Variants in KLHL2 observed in about 807,000 individuals in gnomAD.
KLHL2 encodes the protein kelch like family member 2.
In KLHL2, 15 loss-of-function variants were observed where a neutral mutation model predicts 75.8. The observed-to-expected ratio is 0.20, with a 90% confidence interval of 0.13 to 0.30. The LOEUF is 0.30. KLHL2 is among the 10% of genes least tolerant of loss of function. The probability of loss-of-function intolerance (pLI) is 1.00; values close to 1 mark genes in which losing one functional copy is unlikely to be tolerated. For missense variants in KLHL2, 381 were observed against 741.0 expected, an observed-to-expected ratio of 0.51 and a Z score of 5.64; for synonymous variants, 214 against 251.9, an observed-to-expected ratio of 0.85 and a Z score of 1.42.
intron 4 of KLHL2, among the ~76,000 whole-genome samples, chr4:165,251,175 A>G (rs1184330458): frequency 2.0e-5 from 3 of 151,838 alleles, no homozygotes; most frequent in Non-Finnish European, 4.4e-5. Flanking sequence ...CTTCAGGATT[A>G]GTGGTTGTTT....
intron 5 of KLHL2, among the ~76,000 whole-genome samples, chr4:165,288,667 G>T (rs568011381): frequency 6.6e-6 from 1 of 152,054 alleles, no homozygotes. Flanking sequence ...TTTTGTAGTT[G>T]TTAAAAGCAG....
intron 5 of KLHL2, among the ~76,000 whole-genome samples, chr4:165,275,534 C>T: frequency 6.6e-6 from 1 of 152,152 alleles, no homozygotes; most frequent in South Asian, 2.1e-4. Context: ...TCACCACTTC[C>T]CATACTGAAA....
At chr4:165,253,040 T>C (rs1313953102) in intron 4 of KLHL2, among the ~76,000 whole-genome samples, 1 of 152,224 alleles carries the variant, frequency 6.6e-6, no homozygotes, top group Non-Finnish European at 1.5e-5. Context: ...TTTTTATTTT[T>C]TATTTTTTTG....
At chr4:165,246,554 G>C (rs1032856040) in intron 4 of KLHL2, among the ~76,000 whole-genome samples, 5 of 152,074 alleles carry the variant, frequency 3.3e-5, no homozygotes, top group Non-Finnish European at 5.9e-5. Flanking sequence ...AATAGATTTG[G>C]GAGATATTTG....
At chr4:165,312,642 T>C (rs1048368850) in intron 11 of KLHL2, among the ~76,000 whole-genome samples, 1 of 152,214 alleles carries the variant, frequency 6.6e-6, no homozygotes, top group African/African-American at 2.4e-5. Flanking sequence ...TTCCCTTGGC[T>C]CTTACTCGTA....
At chr4:165,301,459 G>A (rs1258275007) in intron 8 of KLHL2, among the ~76,000 whole-genome samples, 1 of 152,216 alleles carries the variant, frequency 6.6e-6, no homozygotes, top group Non-Finnish European at 1.5e-5. Context: ...AAGTGGCTCA[G>A]TAAGTACATT....
intron 5 of KLHL2, among the ~76,000 whole-genome samples, chr4:165,291,274 G>C (rs552072783): frequency 4.1e-4 from 62 of 152,252 alleles, no homozygotes; most frequent in Middle Eastern, 3.4e-3. Context: ...CCCCCAGTCT[G>C]TGGCTTGTCT....
At chr4:165,264,922 T>A (rs1742126505) in intron 5 of KLHL2, among the ~76,000 whole-genome samples, 1 of 151,410 alleles carries the variant, frequency 6.6e-6, no homozygotes, top group African/African-American at 2.4e-5. Flanking sequence ...ATTGCTGGAT[T>A]GGATTTTAAT....
intron 4 of KLHL2, among the ~76,000 whole-genome samples, chr4:165,247,109 A>G (rs903114300): frequency 2.6e-5 from 4 of 152,212 alleles, no homozygotes; most frequent in African/African-American, 9.6e-5. Flanking sequence ...GAGCCATATC[A>G]GTGTAGGTGT....
chr4:165,258,939 A>G (rs1441226909), intron 4 of KLHL2, among the ~76,000 whole-genome samples: 1 of 152,188 alleles, frequency 6.6e-6, no homozygotes, highest in Non-Finnish European at 1.5e-5. Flanking sequence ...GGATTTTGCT[A>G]TATTCTACAA....
chr4:165,229,273 T>G (rs1036272660), intron 3 of KLHL2, among the ~76,000 whole-genome samples: 10 of 152,232 alleles, frequency 6.6e-5, no homozygotes, highest in African/African-American at 2.4e-4. Flanking sequence ...AGTGTTACAT[T>G]GAACAAAAAG....
intron 8 of KLHL2, among the ~76,000 whole-genome samples, chr4:165,303,887 T>C (rs1347209593): frequency 6.7e-6 from 1 of 148,298 alleles, no homozygotes; most frequent in Non-Finnish European, 1.5e-5. Context: ...TCTGTTTGTT[T>C]GTTTGTGAGA....
At chr4:165,297,562 A>T (rs780431434) in intron 6 of KLHL2, 47 bp from the exon 7 acceptor site, 1 of 1,112,466 alleles carries the variant, frequency 9.0e-7, no homozygotes, top group South Asian at 1.2e-5. Context: ...AGATGCCTTG[A>T]TACACAACTC....
In KLHL2 at chr4:165,312,599, A is replaced by T. The variant is rs186291577; in HGVS notation, c.1340-639A>T. On this transcript the variant is annotated intron_variant, in intron 11 of 14. Coordinates refer to ENST00000226725, the MANE Select transcript of KLHL2 (RefSeq NM_007246.4). ...CATCCATCACTGCAATTCATTTTAA[A>T]ACATTTTTATTATCCTCTAAAAGCA... 1.4e-3 allele frequency among the ~76,000 whole-genome samples: 219 copies of T among 152,222 alleles called. 2 individuals are homozygous for T. The highest frequency in any genetic ancestry group is 5.0e-3 in the African/African-American group (206 of 41,532).
chr4:165,263,949 A>G (rs1478855424), intron 5 of KLHL2, among the ~76,000 whole-genome samples: 2 of 151,620 alleles, frequency 1.3e-5, no homozygotes, highest in Admixed American at 6.6e-5. Context: ...TGCTGGTTCC[A>G]TGGCCTACTG....
intron 1 of KLHL2, among the ~76,000 whole-genome samples, chr4:165,214,409 G>A (rs564650935): frequency 6.6e-6 from 1 of 152,154 alleles, no homozygotes; most frequent in African/African-American, 2.4e-5. Flanking sequence ...TGCTTTTACC[G>A]TGGTCCTTTT....
intron 3 of KLHL2, among the ~76,000 whole-genome samples, chr4:165,238,047 C>A (rs1348941240): frequency 2.6e-5 from 4 of 152,112 alleles, no homozygotes. Flanking sequence ...TCTTTGCAGG[C>A]AGTTTTGTAG....
chr4:165,249,487 GAA>G (rs1321828392), intron 4 of KLHL2, among the ~76,000 whole-genome samples: 1 of 152,124 alleles, frequency 6.6e-6, no homozygotes, highest in East Asian at 1.9e-4. Context: ...AGTGGTAATG[GAA>G]AGTCTTACCA....
rs1262891454 is a variant in KLHL2, at chr4:165,207,565, C to A, written c.-312C>A. 2 of 150,408 alleles carry A rather than the reference C, an allele frequency of 1.3e-5. No homozygotes were observed. Among genetic ancestry groups the A allele is most frequent in the South Asian group, 1.8e-4 (1 of 5,640 alleles). 9.3% of individuals were successfully genotyped at this position (150,408 alleles called of 1,614,324 possible). A position where few individuals can be genotyped will look rare whatever the true frequency, so the allele number is the denominator to read the frequency against. On this transcript the variant is annotated 5_prime_UTR_variant, in exon 1 of 15. Transcript: ENST00000226725. The surrounding 1 kb of genome is among the most constrained non-coding windows in gnomAD (Gnocchi z 4.2). The stretch of plus-strand genomic sequence containing the variant: ...CGCCGCGGGAGGCCGCATCGCAGTC[C>A]CGTCACAGCGTCGGCGCCGGCCGGG...
Sources: allele counts gnomAD v4.1 joint callset (sites outside exome capture counted in the v4.1 genomes callset), GRCh38; gene constraint gnomAD v4.1.1; non-coding constraint Gnocchi (gnomAD v3.1); transcripts MANE v1.5; gene names NCBI Gene and HGNC (gene_info 2026-07-23, HGNC 2026-07-21).